HERC1: variants seen among roughly 807,000 people sequenced by gnomAD.
The protein encoded by HERC1 is HECT and RLD domain containing E3 ubiquitin protein ligase family member 1.
HERC1 carries 160 observed loss-of-function variants against 554.3 expected under a neutral mutation model. The observed-to-expected ratio is 0.29, with a 90% CI of 0.25 to 0.33. HERC1 has a LOEUF of 0.33. Among genes scored for constraint, HERC1 ranks in the 10% least tolerant of loss-of-function variants. HERC1 has a pLI of 1.00. For missense variants in HERC1, 4,919 were observed against 5,918.5 expected (o/e 0.83, Z 5.54); for synonymous variants, 2,175 against 2,131.7 (o/e 1.02, Z -0.56).
chr15:63,628,262 C>T (rs188748147), intron 70 of HERC1, among the ~76,000 whole-genome samples: 1 of 152,200 alleles, frequency 6.6e-6, no homozygotes, highest in Admixed American at 6.5e-5. Context: ...AATGGTAGTG[C>T]ATGCCTGTAG....
chr15:63,813,489 T>G (rs1329692196), intron 1 of HERC1, among the ~76,000 whole-genome samples: 1 of 151,834 alleles, frequency 6.6e-6, no homozygotes, highest in East Asian at 1.9e-4. Context: ...TTTTTTAATA[T>G]CAACCCAAAA....
intron 12 of HERC1, among the ~76,000 whole-genome samples, chr15:63,745,663 T>C (rs567163753): frequency 6.6e-6 from 1 of 152,222 alleles, no homozygotes; most frequent in Admixed American, 6.5e-5. Flanking sequence ...AGGACTGTTT[T>C]TTCTATCTCT....
At chr15:63,625,472 T>A (rs1437642699) in intron 71 of HERC1, among the ~76,000 whole-genome samples, 2 of 151,784 alleles carry the variant, frequency 1.3e-5, no homozygotes, top group African/African-American at 4.8e-5. Context: ...GTGGGGGGGA[T>A]CATTTGAGGT....
chr15:63,694,303 C>G lies in HERC1; in HGVS notation c.5480+9G>C. 1 of 1,608,348 alleles carries G rather than the reference C, an allele frequency of 6.2e-7. No individual in the cohort carries two copies. Among genetic ancestry groups the G allele is most frequent in the Non-Finnish European group, 8.5e-7 (1 of 1,176,902 alleles). ...CATACAGTTCTACAAAGACATCTAC[C>G]ATACTTACCCAGTAGTGATGGCTAG... On this transcript the variant is annotated intron_variant, in intron 29 of 77. Transcript: ENST00000443617. This position sits in a 1 kb window ranked among gnomAD's most constrained non-coding sequence, Gnocchi z 4.3.
At chr15:63,736,691 C>A (rs142921393) in intron 12 of HERC1, among the ~76,000 whole-genome samples, 156 of 152,048 alleles carry the variant, frequency 1.0e-3, no homozygotes, top group African/African-American at 3.6e-3. Context: ...TCACGGCAAC[C>A]TCCACCTCTG....
intron 33 of HERC1, among the ~76,000 whole-genome samples, chr15:63,687,537 CA>C (rs896111983): frequency 1.1e-3 from 147 of 130,304 alleles, no homozygotes; most frequent in Admixed American, 1.1e-3. Flanking sequence ...GACTCTGTCT[CA>C]AAAAAAAAAA....
At chr15:63,650,174 G>C (rs1011497595) in intron 53 of HERC1, among the ~76,000 whole-genome samples, 2 of 151,910 alleles carry the variant, frequency 1.3e-5, no homozygotes, top group East Asian at 3.9e-4. Flanking sequence ...AGGCCAAGAC[G>C]GGCGGATCAC....
At chr15:63,682,716 A>G (rs2071539565) in intron 34 of HERC1, among the ~76,000 whole-genome samples, 1 of 152,172 alleles carries the variant, frequency 6.6e-6, no homozygotes, top group Non-Finnish European at 1.5e-5. Flanking sequence ...GCCACAATTT[A>G]CCTTGTAAAT....
chr15:63,647,415 T>C (rs1213815405), intron 55 of HERC1, among the ~76,000 whole-genome samples: 1 of 151,932 alleles, frequency 6.6e-6, no homozygotes, highest in Admixed American at 6.6e-5. Context: ...TGTAAATTAG[T>C]ACAAACTCTA....
At chr15:63,805,518 C>A in intron 1 of HERC1, among the ~76,000 whole-genome samples, 1 of 152,168 alleles carries the variant, frequency 6.6e-6, no homozygotes, top group African/African-American at 2.4e-5. Flanking sequence ...TAAAAGGGAA[C>A]TTTCTGGGTA....
At chr15:63,802,175 T>C (rs886410841) in intron 1 of HERC1, among the ~76,000 whole-genome samples, 3 of 152,210 alleles carry the variant, frequency 2.0e-5, no homozygotes, top group African/African-American at 7.2e-5. Context: ...CCACATGTAC[T>C]TCTAGAAGGC....
At chr15:63,623,579 A>G (rs111699325) in intron 73 of HERC1, 146 bp downstream of exon 73, 43 of 755,446 alleles carry the variant, frequency 5.7e-5, no homozygotes, top group Middle Eastern at 7.1e-4. Context: ...TTACCTACGT[A>G]TCACTAACAG....
intron 1 of HERC1, among the ~76,000 whole-genome samples, chr15:63,777,344 A>G (rs891911721): frequency 1.3e-5 from 2 of 152,212 alleles, no homozygotes; most frequent in Non-Finnish European, 2.9e-5. Context: ...CCTCCATCCC[A>G]CCCTGACTTC....
At position 63,674,595 on chromosome 15, in the gene HERC1, C is replaced by A. The variant is rs770092334; in HGVS notation, c.7593G>T (p.Leu2531=). Residue 2531 remains leucine, a synonymous_variant, in exon 38 of 78, where the codon CTG becomes CTT. Coordinates refer to ENST00000443617, the MANE Select transcript of HERC1 (RefSeq NM_003922.4). ...ALLGCSKYAE[L]LLIPKVLAEN... ...CAGCCAGAACTTTTGGTATCAGCAA[C>A]AGCTCAGCATATTTACTACAGCCAA... The A allele has an allele frequency of 6.2e-7, 1 of 1,612,580 alleles. No homozygotes were observed. The highest frequency in any genetic ancestry group is 1.3e-5 in the African/African-American group (1 of 74,924).
chr15:63,796,039 A>T (rs2076803127), intron 1 of HERC1, among the ~76,000 whole-genome samples: 1 of 152,276 alleles, frequency 6.6e-6, no homozygotes, highest in South Asian at 2.1e-4. Context: ...CATAAAGTAC[A>T]TTGATTTCTT....
At chr15:63,809,230 TAAAC>T (rs200343469) in intron 1 of HERC1, among the ~76,000 whole-genome samples, 1,790 of 151,820 alleles carry the variant, frequency 0.012, 19 homozygotes, top group Middle Eastern at 0.02. Flanking sequence ...CATCAAAAAA[TAAAC>T]AAAAATAAAG....
intron 53 of HERC1, 102 bp from the exon 54 acceptor site, chr15:63,650,027 TC>T (rs1347849536): frequency 1.3e-6 from 1 of 789,358 alleles, no homozygotes; most frequent in Non-Finnish European, 2.0e-6. Flanking sequence ...TCAAAGCAGT[TC>T]CAAATTTCAT....
chr15:63,739,194 A>ATATTTTT (rs1567071803), intron 12 of HERC1, among the ~76,000 whole-genome samples: 3 of 50,640 alleles, frequency 5.9e-5, no homozygotes, highest in African/African-American at 2.1e-4. Flanking sequence ...CCACTAATAT[A>ATATTTTT]CTTTTTTTTT....
At chr15:63,684,221 A>G (rs2071627151) in intron 34 of HERC1, among the ~76,000 whole-genome samples, 1 of 152,216 alleles carries the variant, frequency 6.6e-6, no homozygotes, top group Admixed American at 6.5e-5. Flanking sequence ...GCAGTTTGCA[A>G]CAAGGGACTG....
Sources: allele counts gnomAD v4.1 joint callset (sites outside exome capture counted in the v4.1 genomes callset), GRCh38; gene constraint gnomAD v4.1.1; non-coding constraint Gnocchi (gnomAD v3.1); transcripts MANE v1.5; gene names NCBI Gene and HGNC (gene_info 2026-07-23, HGNC 2026-07-21).